The following CABCOCO1 variants were observed in gnomAD, a reference collection of about 807,000 sequenced individuals.
The protein encoded by CABCOCO1 is ciliary associated calcium binding coiled-coil 1.
In CABCOCO1, 28 loss-of-function variants were observed where a neutral mutation model predicts 35.7. That is an observed-to-expected ratio of 0.78 (90% CI 0.58 to 1.07). The LOEUF is 1.07. CABCOCO1 is among the 50% of genes least tolerant of loss of function. The pLI, the probability that CABCOCO1 is intolerant of heterozygous loss-of-function variation, is 0.00. For synonymous variants in CABCOCO1, 95 were observed against 100.1 expected, an observed-to-expected ratio of 0.95 and a Z score of 0.30; for missense variants, 326 against 309.2, an observed-to-expected ratio of 1.05 and a Z score of -0.41.
intron 5 of CABCOCO1, among the ~76,000 whole-genome samples, chr10:61,743,885 G>T (rs1294121814): frequency 6.6e-6 from 1 of 151,780 alleles, no homozygotes; most frequent in African/African-American, 2.4e-5. Flanking sequence ...AAATCAATTG[G>T]CAATCCTTCT....
intron 5 of CABCOCO1, among the ~76,000 whole-genome samples, chr10:61,714,365 G>A (rs2132033435): frequency 6.6e-6 from 1 of 151,972 alleles, no homozygotes; most frequent in Middle Eastern, 3.4e-3. Flanking sequence ...TATCCCCTTT[G>A]TCATTTTTTA....
intron 5 of CABCOCO1, among the ~76,000 whole-genome samples, chr10:61,758,278 A>G (rs554377148): frequency 6.6e-6 from 1 of 152,154 alleles, no homozygotes; most frequent in African/African-American, 2.4e-5. Flanking sequence ...TTTACCTATA[A>G]TGTTTCAGAG....
chr10:61,751,068 G>T (rs1224314997), intron 5 of CABCOCO1, among the ~76,000 whole-genome samples: 8 of 152,114 alleles, frequency 5.3e-5, no homozygotes, highest in Admixed American at 4.6e-4. Flanking sequence ...ATTGAGCTGG[G>T]TGGAAAGTCC....
intron 5 of CABCOCO1, among the ~76,000 whole-genome samples, chr10:61,731,820 G>A (rs59703863): frequency 0.041 from 6,241 of 151,282 alleles, 276 homozygotes; most frequent in African/African-American, 0.1. Context: ...TTTTTTAAAG[G>A]GAGATCTTTT....
At position 61,680,730 on chromosome 10, in the gene CABCOCO1, T is replaced by TAATGAG. The variant is rs1366796612; in HGVS notation, c.165-412_165-411insATGAGA. On this transcript the variant is annotated intron_variant, in intron 2 of 7. Transcript: ENST00000648843. ...ATACATGTATAACATATATATTATA[T>TAATGAG]ATATAATATATATATCTCAGAATAT... Among the ~76,000 whole-genome samples, 4 of 111,062 alleles carry TAATGAG rather than the reference T, an allele frequency of 3.6e-5. 1 individual carries two copies. In the Admixed American group the frequency reaches 3.8e-4, roughly 11 times the overall value. 72.9% of individuals were successfully genotyped at this position (111,062 alleles called of 152,430 possible). A position where few individuals can be genotyped will look rare whatever the true frequency, so the allele number is the denominator to read the frequency against.
intron 5 of CABCOCO1, among the ~76,000 whole-genome samples, chr10:61,740,148 T>C (rs1841517756): frequency 6.6e-6 from 1 of 152,240 alleles, no homozygotes; most frequent in African/African-American, 2.4e-5. Context: ...ACATTAAGTT[T>C]AATGTGATAT....
intron 3 of CABCOCO1, among the ~76,000 whole-genome samples, chr10:61,684,662 C>T (rs888777705): frequency 6.6e-6 from 1 of 152,096 alleles, no homozygotes; most frequent in African/African-American, 2.4e-5. Flanking sequence ...CATTCATCTC[C>T]CCCAGGCGGC....
At chr10:61,696,715 AG>A (rs1336640727) in intron 5 of CABCOCO1, among the ~76,000 whole-genome samples, 1 of 151,982 alleles carries the variant, frequency 6.6e-6, no homozygotes, top group East Asian at 1.9e-4. Flanking sequence ...TTTGTTGCCC[AG>A]GCTGATCTTG....
chr10:61,734,431 C>A (rs1378849706), intron 5 of CABCOCO1, among the ~76,000 whole-genome samples: 2 of 151,918 alleles, frequency 1.3e-5, no homozygotes, highest in Admixed American at 1.3e-4. Context: ...AAACCTGAAG[C>A]CCACCTTCAC....
chr10:61,715,755 C>A lies in CABCOCO1; in HGVS notation c.552+25134C>A, dbSNP rs529256043. ...TGCTTGTCTGTAAAGGATTTTATTT[C>A]TCCTTCACTTATGAAGCTTAGTTTG... On this transcript the variant is annotated intron_variant, in intron 5 of 7. Transcript: ENST00000648843. Among the ~76,000 whole-genome samples the A allele has an allele frequency of 1.6e-4, 25 of 152,244 alleles. No homozygotes were observed. The South Asian group carries it at 5.0e-3, about 30-fold the overall frequency.
chr10:61,719,727 C>T (rs935044077), intron 5 of CABCOCO1, among the ~76,000 whole-genome samples: 1 of 152,062 alleles, frequency 6.6e-6, no homozygotes, highest in East Asian at 1.9e-4. Flanking sequence ...CAAGACCAAC[C>T]TGGCCAACAT....
intron 5 of CABCOCO1, among the ~76,000 whole-genome samples, chr10:61,752,981 AAAAG>A (rs2132082821): frequency 6.6e-6 from 1 of 152,300 alleles, no homozygotes; most frequent in East Asian, 1.9e-4. Flanking sequence ...AGTGCATGAA[AAAAG>A]AAAGACTCGA....
At chr10:61,735,705 G>C (rs1311687310) in intron 5 of CABCOCO1, among the ~76,000 whole-genome samples, 1 of 152,162 alleles carries the variant, frequency 6.6e-6, no homozygotes, top group Non-Finnish European at 1.5e-5. Context: ...GGCTTGATGA[G>C]AGTTGGAGAA....
At chr10:61,737,132 C>T (rs1032821847) in intron 5 of CABCOCO1, among the ~76,000 whole-genome samples, 2 of 152,026 alleles carry the variant, frequency 1.3e-5, no homozygotes, top group Non-Finnish European at 1.5e-5. Flanking sequence ...TTTGGATGCC[C>T]TTAATTTCTT....
intron 3 of CABCOCO1, among the ~76,000 whole-genome samples, chr10:61,683,136 C>A (rs1284273385): frequency 1.3e-5 from 2 of 152,058 alleles, no homozygotes; most frequent in East Asian, 3.9e-4. Flanking sequence ...GGTGATCTGC[C>A]CGCCTCAGCT....
intron 5 of CABCOCO1, among the ~76,000 whole-genome samples, chr10:61,694,028 C>T (rs1272600585): frequency 6.6e-6 from 1 of 151,816 alleles, no homozygotes; most frequent in Non-Finnish European, 1.5e-5. Flanking sequence ...ATATTGGCCA[C>T]ATAGTTGATG....
At chr10:61,688,200 T>C (rs1397429224) in intron 4 of CABCOCO1, among the ~76,000 whole-genome samples, 1 of 152,162 alleles carries the variant, frequency 6.6e-6, no homozygotes, top group African/African-American at 2.4e-5. Flanking sequence ...CACATAATAT[T>C]TTTCATTTTG....
Position 61,760,851 on chromosome 10 carries a change from T to G in CABCOCO1, c.676-12T>G. ...GAAATCACCCGAGTGCTATTTACTTTCAATATTCTAGAGGTTGGATCAAGA... is the reference window on the plus strand; with the variant it reads ...GAAATCACCCGAGTGCTATTTACTTGCAATATTCTAGAGGTTGGATCAAGA... On this transcript the variant is annotated splice_polypyrimidine_tract_variant and intron_variant, in intron 6 of 7. Coordinates refer to ENST00000648843, the MANE Select transcript of CABCOCO1 (RefSeq NM_001366906.2). 1 of 1,604,290 alleles carries G rather than the reference T, an allele frequency of 6.2e-7. No individual in the cohort carries two copies. The highest frequency in any genetic ancestry group is 8.5e-7 in the Non-Finnish European group (1 of 1,176,068).
In CABCOCO1 at chr10:61,678,074, A is replaced by G. The variant is rs182285371; in HGVS notation, c.165-3069A>G. Among the ~76,000 whole-genome samples the G allele has an allele frequency of 6.6e-5, 10 of 152,050 alleles. No homozygotes were observed. In the East Asian group the frequency reaches 1.9e-3, roughly 29 times the overall value. The stretch of plus-strand genomic sequence containing the variant: ...ACCCTGGATTTTATTTTAATGTATT[A>G]TGTGGGATGGTATTTTATTTTATTT... On this transcript the variant is annotated intron_variant, in intron 2 of 7. Transcript: ENST00000648843.
Sources: gnomAD v4.1 joint callset for allele counts (sites outside exome capture counted in the v4.1 genomes callset) on GRCh38, gnomAD v4.1.1 for gene constraint, MANE v1.5 for transcripts, NCBI Gene and HGNC (gene_info 2026-07-23, HGNC 2026-07-21) for gene names.